The following UNC13A variants were observed in gnomAD, a reference collection of about 807,000 sequenced individuals.
UNC13A encodes unc-13 homolog A.
Under a neutral mutation model 219.7 loss-of-function variants are expected in UNC13A, and 61 were observed. That is an observed-to-expected ratio of 0.28 (90% CI 0.23 to 0.34). The LOEUF is 0.34. UNC13A is among the 10% of genes least tolerant of loss of function. The pLI is 1.00. For synonymous variants in UNC13A, 920 were observed against 884.6 expected (o/e 1.04, Z -0.71); for missense variants, 1,476 against 2,270.3 (o/e 0.65, Z 7.11).
At position 17,669,801 on chromosome 19, in the gene UNC13A, A is replaced by G; in HGVS notation, c.271-125T>C. The G allele has an allele frequency of 2.7e-6, 3 of 1,110,574 alleles. 1 individual carries two copies. The highest frequency in any genetic ancestry group is 3.2e-4 in the Middle Eastern group (1 of 3,112). The allele number at this position is 1,110,574 out of a possible 1,614,324, so 68.8% of individuals were successfully genotyped here. A position where few individuals can be genotyped will look rare whatever the true frequency, so the allele number is the denominator to read the frequency against. On this transcript the variant is annotated intron_variant, in intron 4 of 43. Transcript: ENST00000519716. ...AAAACCAAAGTCATGTCCCCTCTCT[A>G]TCTTTCCTTCCGTCCTTCCTTCCTT... is the stretch of plus-strand genomic sequence containing the variant.
rs77226457 is a variant in UNC13A at position 17,636,973 on chromosome 19, ATT to A, written c.3082-818_3082-817del. 2.6e-3 allele frequency among the ~76,000 whole-genome samples: 367 copies of A among 142,352 alleles called. 1 individual carries two copies. The highest frequency in any genetic ancestry group is 8.6e-3 in the African/African-American group (336 of 39,058). 93.4% of individuals were successfully genotyped at this position (142,352 alleles called of 152,430 possible). A position where few individuals can be genotyped will look rare whatever the true frequency, so the allele number is the denominator to read the frequency against. ...AATCAACCAACTTGTTCTTCTCTCT[ATT>A]TTTTTTTTTTTTCTTTCAAGAGACA... On this transcript the variant is annotated intron_variant, in intron 25 of 43. Coordinates refer to ENST00000519716, the MANE Select transcript of UNC13A (RefSeq NM_001080421.3).
intron 4 of UNC13A, among the ~76,000 whole-genome samples, chr19:17,670,450 C>G (rs1317161059): frequency 1.3e-5 from 2 of 151,074 alleles, no homozygotes; most frequent in African/African-American, 4.9e-5. Flanking sequence ...ACCATGTTGC[C>G]CAGGCTGGTC....
intron 26 of UNC13A, among the ~76,000 whole-genome samples, chr19:17,635,267 C>T (rs976313674): frequency 1.3e-5 from 2 of 152,188 alleles, no homozygotes; most frequent in Non-Finnish European, 2.9e-5. Flanking sequence ...TCCCAAAGTG[C>T]TGGGATTACA....
At chr19:17,608,389 T>TATATTTATATATAATATATAAAA (rs1568496087) in intron 43 of UNC13A, among the ~76,000 whole-genome samples, 1 of 135,884 alleles carries the variant, frequency 7.4e-6, no homozygotes. Flanking sequence ...TATAAATATA[T>TATATTTATATATAATATATAAAA]ATATATTTAT....
chr19:17,624,946 G>A lies in UNC13A; in HGVS notation c.4080C>T (p.Thr1360=). 26 of 1,613,398 alleles carry A rather than the reference G, an allele frequency of 1.6e-5. No homozygotes were observed. Among genetic ancestry groups the A allele is most frequent in the Non-Finnish European group, 2.1e-5 (25 of 1,179,468 alleles). ...PIMDLLDSNL[T]LFAKICEKTV... is the part of the protein sequence containing the mutation. ...TCTTCTCACAGATTTTGGCAAAGAG[G>A]GTCAGGCTGGGGACGAGGGGCAGGT... is the stretch of plus-strand genomic sequence containing the variant. Residue 1360 remains threonine, a synonymous_variant, in exon 35 of 44, where the codon ACC becomes ACT. Coordinates refer to ENST00000519716, the MANE Select transcript of UNC13A (RefSeq NM_001080421.3).
At chr19:17,629,646 C>T (rs937824758) in intron 30 of UNC13A, among the ~76,000 whole-genome samples, 1 of 152,102 alleles carries the variant, frequency 6.6e-6, no homozygotes, top group African/African-American at 2.4e-5. Flanking sequence ...GTCAACACAG[C>T]CTAATGCCAA....
chr19:17,623,118 C>T, intron 36 of UNC13A: 1 of 186,176 alleles, frequency 5.4e-6, no homozygotes, highest in Non-Finnish European at 1.1e-5. Flanking sequence ...TGGTGAGGAC[C>T]TGCATTCTGG....
Position 17,648,935 on chromosome 19 carries a change from T to C in UNC13A, c.1573A>G (p.Ser525Gly), listed in dbSNP as rs1185482459. 6.2e-7 allele frequency: 1 copy of C among 1,604,316 alleles called. No individual in the cohort carries two copies. Among genetic ancestry groups the C allele is most frequent in the East Asian group, 2.2e-5 (1 of 44,554 alleles). Reference protein sequence around the residue: ...KAGITSALASSTLNNEELKNH... With the variant: ...KAGITSALASGTLNNEELKNH... ...ACCAGCTCCTCGTTGTTCAACGTGC[T>C]GGAGGCCAAGGCCGAGGTGATGCCC... The change falls in exon 15 of 44, where the codon AGC becomes GGC. Residue 525 changes from serine to glycine, a missense_variant. This residue lies in a region of UNC13A where 85 missense variants were observed against 211.5 expected (regional missense o/e 0.40). Coordinates refer to ENST00000519716, the MANE Select transcript of UNC13A (RefSeq NM_001080421.3).
In UNC13A at chr19:17,642,731, G is replaced by A. The variant is rs2076983704; in HGVS notation, c.2472+114C>T. 1.8e-5 allele frequency: 15 copies of A among 828,594 alleles called. No individual in the cohort carries two copies. The East Asian group carries it at 4.4e-4, about 24-fold the overall frequency. 51.3% of individuals were successfully genotyped at this position (828,594 alleles called of 1,614,324 possible). A position where few individuals can be genotyped will look rare whatever the true frequency, so the allele number is the denominator to read the frequency against. On this transcript the variant is annotated intron_variant, in intron 20 of 43. Coordinates refer to ENST00000519716, the MANE Select transcript of UNC13A (RefSeq NM_001080421.3). ...TCCAGGTAAAGGGAATGGCATGGCG[G>A]GCAGTCTCAGAGGGCCAGGAGAGTG...
Position 17,608,377 on chromosome 19 carries a change from T to C in UNC13A, c.4811+1563A>G, listed in dbSNP as rs1018095241. Among the ~76,000 whole-genome samples the C allele has an allele frequency of 8.6e-5, 7 of 81,104 alleles. No individual in the cohort carries two copies. The South Asian group carries it at 1.4e-3, about 16-fold the overall frequency. The allele number at this position is 81,104 out of a possible 152,430, so 53.2% of individuals were successfully genotyped here. Reference sequence around the variant, plus strand: ...ATAATATAAATATATATTATATATGTATATAAATATATATATATTTATATA... The same window carrying C: ...ATAATATAAATATATATTATATATGCATATAAATATATATATATTTATATA... On this transcript the variant is annotated intron_variant, in intron 43 of 43. Transcript: ENST00000519716.
At chr19:17,620,646 G>T in intron 38 of UNC13A, 47 bp downstream of exon 38, 1 of 1,582,908 alleles carries the variant, frequency 6.3e-7, no homozygotes, top group Non-Finnish European at 8.6e-7. Context: ...GGTGGGGTGG[G>T]GGGGAGTGGG....
intron 8 of UNC13A, among the ~76,000 whole-genome samples, 157 bp from the exon 9 acceptor site, chr19:17,658,426 G>A (rs1468135415): frequency 2.6e-5 from 4 of 152,124 alleles, no homozygotes; most frequent in Non-Finnish European, 4.4e-5. Flanking sequence ...AGAGATATAG[G>A]CTTCAGAACA....
intron 41 of UNC13A, among the ~76,000 whole-genome samples, 174 bp downstream of exon 41, chr19:17,617,528 G>A (rs923162139): frequency 1.3e-5 from 2 of 152,144 alleles, no homozygotes; most frequent in Non-Finnish European, 2.9e-5. Context: ...TGACGTCAGA[G>A]GCCCCGCCCC....
At chr19:17,629,568 A>G (rs1222646818) in intron 30 of UNC13A, among the ~76,000 whole-genome samples, 2 of 152,132 alleles carry the variant, frequency 1.3e-5, no homozygotes, top group African/African-American at 4.8e-5. Context: ...GCATCATATT[A>G]ACCCAGCCTC....
intron 1 of UNC13A, among the ~76,000 whole-genome samples, chr19:17,687,062 G>A (rs2080127666): frequency 6.6e-6 from 1 of 152,214 alleles, no homozygotes; most frequent in South Asian, 2.1e-4. Context: ...CTGTAGGCGT[G>A]GAACGGCGGT....
chr19:17,678,819 G>T (rs1485253544), intron 1 of UNC13A, among the ~76,000 whole-genome samples: 1 of 152,066 alleles, frequency 6.6e-6, no homozygotes, highest in Admixed American at 6.6e-5. Context: ...GGGGGTGGAG[G>T]GGATGCTGAC....
intron 2 of UNC13A, 144 bp downstream of exon 2, chr19:17,675,867 CT>C (rs1260460355): frequency 9.1e-7 from 1 of 1,103,292 alleles, no homozygotes; most frequent in African/African-American, 1.6e-5. Context: ...GCCCCTCCCC[CT>C]ATTTAATCTT....
intron 36 of UNC13A, 91 bp downstream of exon 36, chr19:17,623,447 CTGGG>C: frequency 1.2e-6 from 1 of 863,938 alleles, no homozygotes; most frequent in Non-Finnish European, 1.7e-6. Context: ...GGAGGGGGCG[CTGGG>C]TGGGTGGGGA....
intron 35 of UNC13A, among the ~76,000 whole-genome samples, chr19:17,624,461 A>G (rs55780513): frequency 0.12 from 17,817 of 152,068 alleles, 1,184 homozygotes; most frequent in Middle Eastern, 0.2. Flanking sequence ...CCTTGATCCC[A>G]AAATTGACCT....
Sources: allele counts gnomAD v4.1 joint callset (sites outside exome capture counted in the v4.1 genomes callset), GRCh38; gene constraint gnomAD v4.1.1; regional missense constraint gnomAD v4.1.1; transcripts MANE v1.5; gene names NCBI Gene and HGNC (gene_info 2026-07-23, HGNC 2026-07-21).